Variants in CDC42BPB observed in about 807,000 individuals in gnomAD.
The protein encoded by CDC42BPB is CDC42 binding protein kinase beta.
CDC42BPB carries 37 observed loss-of-function variants against 214.9 expected under a neutral mutation model. The ratio of observed to expected loss-of-function variants is 0.17; its 90% CI spans 0.13 to 0.23. The LOEUF is 0.23. Ranked by LOEUF, CDC42BPB falls within the 10% of genes least tolerant of loss-of-function variation. The pLI is 1.00. For synonymous variants in CDC42BPB, 931 were observed against 884.0 expected, an observed-to-expected ratio of 1.05 and a Z score of -0.94; for missense variants, 1,694 against 2,227.0, an observed-to-expected ratio of 0.76 and a Z score of 4.82.
In CDC42BPB at chr14:102,947,620, A is replaced by G. The variant is rs915194277; in HGVS notation, c.3531+101T>C. ...GGCTGGAGGTTGAGACCCTAGGGCC[A>G]CACTGGAGGTGCGCTGATGGCTGCC... On this transcript the variant is annotated intron_variant, in intron 27 of 36. Coordinates refer to ENST00000361246, the MANE Select transcript of CDC42BPB (RefSeq NM_006035.4). 7 of 1,031,358 alleles carry G rather than the reference A, an allele frequency of 6.8e-6. No individual in the cohort carries two copies. The African/African-American group carries it at 7.8e-5, about 12-fold the overall frequency. The allele number at this position is 1,031,358 out of a possible 1,614,324, so 63.9% of individuals were successfully genotyped here. A position where few individuals can be genotyped will look rare whatever the true frequency, so the allele number is the denominator to read the frequency against.
At chr14:102,941,649 G>T in intron 30 of CDC42BPB, 2 of 651,706 alleles carry the variant, frequency 3.1e-6, no homozygotes, top group Non-Finnish European at 3.8e-6. Context: ...TGCTGACTCA[G>T]TGATAAACAG....
intron 12 of CDC42BPB, chr14:102,972,417 T>C: frequency 2.6e-6 from 2 of 780,614 alleles, no homozygotes. Flanking sequence ...CCGGGCACAG[T>C]GGCTCACACC....
intron 1 of CDC42BPB, among the ~76,000 whole-genome samples, chr14:103,032,661 C>T (rs1887455371): frequency 8.1e-6 from 1 of 123,260 alleles, no homozygotes; most frequent in Non-Finnish European, 1.6e-5. Flanking sequence ...GAGACGGAGT[C>T]TCGCTCTGTT....
chr14:102,949,547 C>A (rs1355811535), intron 26 of CDC42BPB, among the ~76,000 whole-genome samples: 1 of 152,184 alleles, frequency 6.6e-6, no homozygotes, highest in African/African-American at 2.4e-5. Context: ...GTCTACAGCG[C>A]TCCCGTTCCT....
intron 24 of CDC42BPB, among the ~76,000 whole-genome samples, chr14:102,951,788 G>A (rs1008195333): frequency 1.3e-5 from 2 of 151,788 alleles, no homozygotes; most frequent in Admixed American, 6.6e-5. Context: ...CTCTTGTCTC[G>A]AAAAAGAAAT....
At chr14:103,007,168 G>A (rs904757504) in intron 3 of CDC42BPB, among the ~76,000 whole-genome samples, 3 of 152,178 alleles carry the variant, frequency 2.0e-5, no homozygotes, top group Non-Finnish European at 4.4e-5. Flanking sequence ...ACAGGCCACC[G>A]ACATTTTGAG....
intron 20 of CDC42BPB, 39 bp downstream of exon 20, chr14:102,963,022 T>C (rs370222328): frequency 1.6e-5 from 15 of 931,038 alleles, no homozygotes; most frequent in Admixed American, 1.4e-4. Flanking sequence ...GAAAAATACT[T>C]ATATTCAAAT....
At chr14:102,990,449 C>G (rs115289097) in intron 5 of CDC42BPB, among the ~76,000 whole-genome samples, 1 of 152,082 alleles carries the variant, frequency 6.6e-6, no homozygotes, top group African/African-American at 2.4e-5. Flanking sequence ...AGTGAGTGCA[C>G]GTACTAACGG....
intron 5 of CDC42BPB, among the ~76,000 whole-genome samples, chr14:102,993,664 C>T (rs1043801650): frequency 1.3e-5 from 2 of 152,164 alleles, no homozygotes; most frequent in Admixed American, 6.5e-5. Context: ...CTCGACCTCA[C>T]AAACTTTTCA....
Position 102,972,056 on chromosome 14 carries a change from G to C in CDC42BPB, c.1747C>G (p.Arg583Gly). The C allele has an allele frequency of 6.2e-7, 1 of 1,614,246 alleles. No individual in the cohort carries two copies. The highest frequency in any genetic ancestry group is 8.5e-7 in the Non-Finnish European group (1 of 1,180,046). ...ALQEFSELNERMAELRAQKQK... is the reference protein window; with the variant it reads ...ALQEFSELNEGMAELRAQKQK... ...TTCTGGGCACGGAGCTCTGCCATGC[G>C]CTCGTTCAGCTCCGAGAACTCCTGC... Residue 583 changes from arginine (R) to glycine (G), a missense_variant, in exon 13 of 37, where the codon CGC becomes GGC. Physicochemically the swap from Arg to Gly is moderately radical, Grantham distance 125. Around this residue, in one of 7 missense-constraint regions of CDC42BPB, gnomAD observed 462 missense variants for 513.5 expected, o/e 0.90. Transcript: ENST00000361246.
chr14:103,004,123 A>G lies in CDC42BPB; in HGVS notation c.352-100T>C. ...CCCTCCTGGGACAGTGGCTCCAGCC[A>G]CGGTGTCCCTGCCTTCCGGGCTCCT... On this transcript the variant is annotated intron_variant, in intron 3 of 36. Coordinates refer to ENST00000361246, the MANE Select transcript of CDC42BPB (RefSeq NM_006035.4). This position sits in a 1 kb window ranked among gnomAD's most constrained non-coding sequence, Gnocchi z 5.3. The G allele has an allele frequency of 7.0e-7, 1 of 1,424,778 alleles. No individual in the cohort carries two copies. The highest frequency in any genetic ancestry group is 9.2e-7 in the Non-Finnish European group (1 of 1,083,346). The allele number at this position is 1,424,778 out of a possible 1,614,324, so 88.3% of individuals were successfully genotyped here.
intron 11 of CDC42BPB, 106 bp from the exon 12 acceptor site, chr14:102,974,255 C>G: frequency 4.0e-6 from 6 of 1,501,978 alleles, no homozygotes; most frequent in Non-Finnish European, 5.3e-6. Flanking sequence ...ATTCACAACA[C>G]TTTTTCATTC....
intron 5 of CDC42BPB, among the ~76,000 whole-genome samples, chr14:102,993,296 A>T (rs1277133810): frequency 1.3e-5 from 2 of 152,156 alleles, no homozygotes; most frequent in Non-Finnish European, 2.9e-5. Context: ...CAGTGTTGGG[A>T]AGAAAGGCAG....
chr14:103,003,832 G>T, intron 4 of CDC42BPB, 96 bp downstream of exon 4: 2 of 934,946 alleles, frequency 2.1e-6, no homozygotes, highest in Admixed American at 2.5e-5. Context: ...TTTTTTAAAT[G>T]TCAGTTCCAC....
Position 103,034,493 on chromosome 14 carries a change from G to A in CDC42BPB, c.176-22305C>T, listed in dbSNP as rs147503252. Among the ~76,000 whole-genome samples, 532 of 152,188 alleles carry A rather than the reference G, an allele frequency of 3.5e-3. 2 individuals carry two copies. Among genetic ancestry groups the A allele is most frequent in the African/African-American group, 0.011 (449 of 41,538 alleles). ...ACAATCAACAACAGGAATTACCATA[G>A]CCGGGAAAAAAATAAACTGTTAAGA... On this transcript the variant is annotated intron_variant, in intron 1 of 36. Coordinates refer to ENST00000361246, the MANE Select transcript of CDC42BPB (RefSeq NM_006035.4).
chr14:102,972,789 C>T lies in CDC42BPB; in HGVS notation c.1642-628G>A, dbSNP rs35880350. ...GCAGCGTGCTTACAGGAGGACGCTCCGTAATGTCAGCCTCTGCCCAGTGTC... is the reference window on the plus strand; with the variant it reads ...GCAGCGTGCTTACAGGAGGACGCTCTGTAATGTCAGCCTCTGCCCAGTGTC... On this transcript the variant is annotated intron_variant, in intron 12 of 36. Coordinates refer to ENST00000361246, the MANE Select transcript of CDC42BPB (RefSeq NM_006035.4). Among the ~76,000 whole-genome samples, 398 of 148,466 alleles carry T rather than the reference C, an allele frequency of 2.7e-3. 7 individuals are homozygous for T. In the East Asian group the frequency reaches 0.065, roughly 24 times the overall value.
chr14:102,973,018 G>A (rs932520805), intron 12 of CDC42BPB, among the ~76,000 whole-genome samples: 17 of 152,266 alleles, frequency 1.1e-4, no homozygotes, highest in Non-Finnish European at 1.9e-4. Context: ...CACTCACCAC[G>A]CTGATGACCC....
intron 2 of CDC42BPB, among the ~76,000 whole-genome samples, chr14:103,010,159 T>C (rs1422758809): frequency 2.6e-5 from 4 of 152,104 alleles, no homozygotes; most frequent in Non-Finnish European, 5.9e-5. Context: ...TGGTGGCACA[T>C]GCCTGTAGTC....
intron 21 of CDC42BPB, among the ~76,000 whole-genome samples, chr14:102,957,024 C>CAAAAAAAA (rs1183767118): frequency 8.3e-5 from 4 of 48,158 alleles, no homozygotes; most frequent in Admixed American, 2.8e-4. Context: ...ACTAAAAATA[C>CAAAAAAAA]AAAAAAAAAA....
Sources: allele counts gnomAD v4.1 joint callset (sites outside exome capture counted in the v4.1 genomes callset), GRCh38; gene constraint gnomAD v4.1.1; regional missense constraint gnomAD v4.1.1; non-coding constraint Gnocchi (gnomAD v3.1); transcripts MANE v1.5; gene names NCBI Gene and HGNC (gene_info 2026-07-23, HGNC 2026-07-21).